ESRRB: variants seen among roughly 807,000 people sequenced by gnomAD.
ESRRB encodes steroid hormone receptor ERR2.
Under a neutral mutation model 46.0 loss-of-function variants are expected in ESRRB, and 16 were observed. The ratio of observed to expected loss-of-function variants is 0.35; its 90% CI spans 0.24 to 0.53. The LOEUF (loss-of-function observed/expected upper bound fraction) is 0.53. Among genes scored for constraint, ESRRB ranks in the 20% least tolerant of loss-of-function variants. ESRRB has a pLI of 0.93. For synonymous variants in ESRRB, 246 were observed against 259.6 expected (o/e 0.95, Z 0.50); for missense variants, 488 against 607.4 (o/e 0.80, Z 2.07).
At chr14:76,340,262 A>C (rs4903401) in intron 1 of ESRRB, among the ~76,000 whole-genome samples, 61,094 of 152,078 alleles carry the variant, frequency 0.4, 12,370 homozygotes, top group East Asian at 0.48. Flanking sequence ...TGATGACTGG[A>C]ACGAGGCGCA....
At chr14:76,487,978 T>C (rs1890083649) in intron 5 of ESRRB, among the ~76,000 whole-genome samples, 1 of 152,188 alleles carries the variant, frequency 6.6e-6, no homozygotes, top group South Asian at 2.1e-4. Context: ...AATTTAATTA[T>C]ATTTATGACT....
intron 5 of ESRRB, among the ~76,000 whole-genome samples, chr14:76,483,237 G>C (rs151147029): frequency 6.6e-6 from 1 of 152,232 alleles, no homozygotes; most frequent in Non-Finnish European, 1.5e-5. Flanking sequence ...TACTAGCTGA[G>C]TAACCCTAGG....
At chr14:76,339,345 G>C (rs1425496891) in intron 1 of ESRRB, among the ~76,000 whole-genome samples, 2 of 152,240 alleles carry the variant, frequency 1.3e-5, no homozygotes, top group South Asian at 2.1e-4. Context: ...TTACTTTGTA[G>C]GATTTGTTGT....
chr14:76,421,001 C>T (rs553211708), intron 1 of ESRRB, among the ~76,000 whole-genome samples: 1 of 152,170 alleles, frequency 6.6e-6, no homozygotes, highest in Admixed American at 6.5e-5. Flanking sequence ...AGCACTCACC[C>T]GTCACCCTCT....
At chr14:76,442,612 A>G (rs1341932157) in intron 2 of ESRRB, among the ~76,000 whole-genome samples, 4 of 152,220 alleles carry the variant, frequency 2.6e-5, no homozygotes, top group Non-Finnish European at 5.9e-5. Context: ...AGTAAGTGCC[A>G]AACAAATGTT....
At position 76,317,310 on chromosome 14, in the gene ESRRB, CTGTGTGTGTGTGTGTG is replaced by C. The variant is rs4024313; in HGVS notation, c.2+6426_2+6441del. Among the ~76,000 whole-genome samples the C allele has an allele frequency of 1.9e-3, 252 of 134,520 alleles. 1 individual carries two copies. Among genetic ancestry groups the C allele is most frequent in the Admixed American group, 3.5e-3 (47 of 13,294 alleles). The allele number at this position is 134,520 out of a possible 152,430, so 88.3% of individuals were successfully genotyped here. A position where few individuals can be genotyped will look rare whatever the true frequency, so the allele number is the denominator to read the frequency against. On this transcript the variant is annotated intron_variant, in intron 1 of 6. Transcript: ENST00000512784. ...GAGTAAAATTATTGCTGATTAGGCT[CTGTGTGTGTGTGTGTG>C]TGTGTGTGTGTGTGTGTGTGTGTGT...
chr14:76,365,196 C>G (rs1225922501), intron 1 of ESRRB, among the ~76,000 whole-genome samples: 2 of 152,208 alleles, frequency 1.3e-5, no homozygotes, highest in Non-Finnish European at 2.9e-5. Flanking sequence ...TGTGCTAAGG[C>G]TGGCATGGTG....
Position 76,498,376 on chromosome 14 carries a change from T to A in ESRRB, c.1283T>A (p.Val428Glu), listed in dbSNP as rs1363867805. The change falls in exon 7 of 7, where the codon GTG becomes GAG. Residue 428 changes from valine (V) to glutamate (E), a missense_variant. Physicochemically the swap from Val to Glu is moderately radical, Grantham distance 121. Transcript: ENST00000644823. ...PLLRQTAAKAVQHFYSVKLQG... is the reference protein window; with the variant it reads ...PLLRQTAAKAEQHFYSVKLQG... ...CTGCGGCAGACGGCCGCCAAGGCCG[T>A]GCAGCACTTCTATAGCGTCAAACTG... 1 of 1,613,174 alleles carries A rather than the reference T, an allele frequency of 6.2e-7. No individual in the cohort carries two copies. The highest frequency in any genetic ancestry group is 8.5e-7 in the Non-Finnish European group (1 of 1,179,842).
intron 1 of ESRRB, among the ~76,000 whole-genome samples, chr14:76,335,328 T>A (rs1884113558): frequency 6.6e-6 from 1 of 152,312 alleles, no homozygotes; most frequent in East Asian, 1.9e-4. Flanking sequence ...GTACCCAGTA[T>A]ATACCAGGCA....
At chr14:76,317,310 C>CTGTGTG (rs4024313) in intron 1 of ESRRB, among the ~76,000 whole-genome samples, 2,280 of 134,478 alleles carry the variant, frequency 0.017, 25 homozygotes, top group Middle Eastern at 0.026. Context: ...TGATTAGGCT[C>CTGTGTG]TGTGTGTGTG....
At chr14:76,447,253 CCTTCCT>C (rs1888188605) in intron 2 of ESRRB, among the ~76,000 whole-genome samples, 2 of 69,082 alleles carry the variant, frequency 2.9e-5, no homozygotes, top group East Asian at 4.0e-4. Context: ...CTCCTTCCTT[CCTTCCT>C]TCCTTCCTTC....
chr14:76,358,328 A>G (rs1378271268), intron 1 of ESRRB, among the ~76,000 whole-genome samples: 4 of 38,340 alleles, frequency 1.0e-4, no homozygotes, highest in African/African-American at 4.2e-4. Context: ...AAAAAAAAAG[A>G]AAGAAAGAAA....
intron 1 of ESRRB, among the ~76,000 whole-genome samples, chr14:76,439,081 G>A (rs1224187177): frequency 6.6e-6 from 1 of 152,078 alleles, no homozygotes; most frequent in Non-Finnish European, 1.5e-5. Flanking sequence ...GGATTTACAG[G>A]TGTGAGCCAC....
rs1884419759 is a variant in ESRRB, at chr14:76,358,380, AAAGAAAGAAAGAAAGAAAGAAAGAAAG to A, written c.2+47467_2+47493del. Among the ~76,000 whole-genome samples the A allele has an allele frequency of 6.3e-5, 7 of 111,800 alleles. No homozygotes were observed. The South Asian group carries it at 1.1e-3, about 17-fold the overall frequency. 73.3% of individuals were successfully genotyped at this position (111,800 alleles called of 152,430 possible). ...GAAAGAAAGAAAGAAAGAAAGAAAGAAAGAAAGAAAGAAAGAAAGAAAGAAAGAAAGAAAAGAAAAGAAAAAGAAAAA... is the reference window on the plus strand; with the variant it reads ...GAAAGAAAGAAAGAAAGAAAGAAAGAAAAGAAAAGAAAAGAAAAAGAAAAA... On this transcript the variant is annotated intron_variant, in intron 1 of 6. Transcript: ENST00000512784.
chr14:76,328,583 T>C (rs1049391839), intron 1 of ESRRB, among the ~76,000 whole-genome samples: 1 of 101,452 alleles, frequency 9.9e-6, no homozygotes, highest in Non-Finnish European at 1.9e-5. Flanking sequence ...ACCTCCACTG[T>C]CCTCTTGTCC....
intron 1 of ESRRB, among the ~76,000 whole-genome samples, chr14:76,392,150 C>T (rs1219984959): frequency 1.3e-5 from 2 of 152,218 alleles, no homozygotes; most frequent in Non-Finnish European, 2.9e-5. Context: ...CCTCCAGGCG[C>T]TGCCCTGGCT....
At chr14:76,445,836 C>A (rs1328428061) in intron 2 of ESRRB, among the ~76,000 whole-genome samples, 1 of 152,106 alleles carries the variant, frequency 6.6e-6, no homozygotes, top group African/African-American at 2.4e-5. Flanking sequence ...CAGGCGTGTA[C>A]CACCACACCC....
chr14:76,358,646 T>A (rs1279121933), intron 1 of ESRRB, among the ~76,000 whole-genome samples: 7 of 152,218 alleles, frequency 4.6e-5, no homozygotes, highest in African/African-American at 1.2e-4. Context: ...AAGTAAGACA[T>A]GGTGATCACC....
At position 76,499,162 on chromosome 14, in the gene ESRRB, C is replaced by G. The variant is rs1382255624; in HGVS notation, c.*704C>G. 1 of 309,720 alleles carries G rather than the reference C, an allele frequency of 3.2e-6. No homozygotes were observed. Among genetic ancestry groups the G allele is most frequent in the Admixed American group, 4.7e-5 (1 of 21,488 alleles). The allele number at this position is 309,720 out of a possible 1,614,324, so 19.2% of individuals were successfully genotyped here. The stretch of plus-strand genomic sequence containing the variant: ...CTCCTCTTCTCCTCCCCCCGGGAGT[C>G]CCCCGCTACTTCCTGACCCTACCTC... On this transcript the variant is annotated 3_prime_UTR_variant, in exon 7 of 7. Transcript: ENST00000644823.
Sources: gnomAD v4.1 joint callset for allele counts (sites outside exome capture counted in the v4.1 genomes callset) on GRCh38, gnomAD v4.1.1 for gene constraint, MANE v1.5 for transcripts, NCBI Gene and HGNC (gene_info 2026-07-23, HGNC 2026-07-21) for gene names.